The following COG5 variants were observed in gnomAD, a reference collection of about 807,000 sequenced individuals.
COG5 encodes the protein component of oligomeric golgi complex 5, also known as conserved oligomeric Golgi complex subunit 5.
Under a neutral mutation model 110.4 loss-of-function variants are expected in COG5, and 86 were observed. The ratio of observed to expected loss-of-function variants is 0.78; its 90% CI spans 0.65 to 0.93. The LOEUF is 0.93. COG5 is among the 40% of genes least tolerant of loss of function. The pLI is 0.00. For synonymous variants in COG5, 360 were observed against 334.6 expected, an observed-to-expected ratio of 1.08 and a Z score of -0.83; for missense variants, 1,077 against 987.0, an observed-to-expected ratio of 1.09 and a Z score of -1.22.
Position 107,201,496 on chromosome 7 carries a change from A to G in COG5, c.*2020T>C. The G allele has an allele frequency of 9.9e-7, 1 of 1,013,614 alleles. No individual in the cohort carries two copies. Among genetic ancestry groups the G allele is most frequent in the Non-Finnish European group, 1.6e-6 (1 of 644,468 alleles). The allele number at this position is 1,013,614 out of a possible 1,614,324, so 62.8% of individuals were successfully genotyped here. ...CATTGACTCTTGATGGAAAGACTTA[A>G]GAAGATCAAGGTCTCACCATTTGTC... On this transcript the variant is annotated 3_prime_UTR_variant, in exon 22 of 22. Coordinates refer to ENST00000297135, the MANE Select transcript of COG5 (RefSeq NM_006348.5).
In COG5 at chr7:107,394,202, A is replaced by T. The variant is rs536278513; in HGVS notation, c.669+18300T>A. On this transcript the variant is annotated intron_variant, in intron 7 of 21. Coordinates refer to ENST00000297135, the MANE Select transcript of COG5 (RefSeq NM_006348.5). ...ATGGTGTCGATCTCCTGACCTTGTG[A>T]TCCGCCTGCCTCGGCCTCCCAAAAT... 5.3e-5 allele frequency among the ~76,000 whole-genome samples: 8 copies of T among 151,656 alleles called. No individual in the cohort carries two copies. In the East Asian group the frequency reaches 1.6e-3, roughly 30 times the overall value.
At chr7:107,396,428 T>C (rs1197291656) in intron 7 of COG5, among the ~76,000 whole-genome samples, 1 of 150,928 alleles carries the variant, frequency 6.6e-6, no homozygotes, top group Admixed American at 6.6e-5. Flanking sequence ...GGAAATTTAA[T>C]AGTACAATAT....
intron 6 of COG5, among the ~76,000 whole-genome samples, chr7:107,516,628 G>A (rs1200231276): frequency 6.6e-6 from 1 of 152,172 alleles, no homozygotes. Flanking sequence ...CTGGCATCAG[G>A]CCAGTGACCC....
chr7:107,522,938 C>A (rs1800441534), intron 6 of COG5, among the ~76,000 whole-genome samples: 1 of 152,156 alleles, frequency 6.6e-6, no homozygotes, highest in Non-Finnish European at 1.5e-5. Context: ...GTCTTCAAAT[C>A]AGGTAGGGTT....
chr7:107,523,665 A>C lies in COG5; in HGVS notation c.538+3572T>G, dbSNP rs183823004. Among the ~76,000 whole-genome samples the C allele has an allele frequency of 5.5e-3, 842 of 152,274 alleles. 8 individuals are homozygous for C. The highest frequency in any genetic ancestry group is 0.02 in the African/African-American group (811 of 41,570). On this transcript the variant is annotated intron_variant, in intron 6 of 21. Transcript: ENST00000297135. ...CCCCGTCTCTACTAAATATACAAAA[A>C]TTAGCCGGGCATGGTGGTGGGCGCC...
At chr7:107,405,203 T>C (rs556745768) in intron 7 of COG5, among the ~76,000 whole-genome samples, 1 of 152,284 alleles carries the variant, frequency 6.6e-6, no homozygotes, top group Non-Finnish European at 1.5e-5. Flanking sequence ...TCCTTAACCA[T>C]ACAGAAAATG....
chr7:107,529,715 G>C (rs749297484), intron 5 of COG5, among the ~76,000 whole-genome samples: 12 of 152,156 alleles, frequency 7.9e-5, no homozygotes, highest in Admixed American at 5.2e-4. Context: ...TCTTCCAAGC[G>C]TACTTTCCTT....
At chr7:107,436,825 C>T (rs1237487921) in intron 6 of COG5, among the ~76,000 whole-genome samples, 1 of 152,144 alleles carries the variant, frequency 6.6e-6, no homozygotes, top group East Asian at 1.9e-4. Flanking sequence ...CAAATGTCAT[C>T]AAGACGCAGT....
At chr7:107,387,347 C>T (rs1790284948) in intron 7 of COG5, among the ~76,000 whole-genome samples, 2 of 152,134 alleles carry the variant, frequency 1.3e-5, no homozygotes, top group Non-Finnish European at 2.9e-5. Flanking sequence ...CGGGAAGGTC[C>T]ACCCAGCCAG....
chr7:107,239,719 G>A (rs544390620), intron 17 of COG5, among the ~76,000 whole-genome samples: 4 of 151,970 alleles, frequency 2.6e-5, no homozygotes, highest in Non-Finnish European at 5.9e-5. Context: ...AGATATTTTT[G>A]ATTTCTCCTT....
intron 14 of COG5, among the ~76,000 whole-genome samples, chr7:107,269,521 G>A (rs1181388035): frequency 3.3e-5 from 5 of 151,166 alleles, no homozygotes; most frequent in Admixed American, 1.3e-4. Flanking sequence ...ATATATCTAT[G>A]GCTTTACAAT....
In COG5 at chr7:107,283,596, C is replaced by G. The variant is rs1231046686; in HGVS notation, c.1450G>C (p.Asp484His). 5.6e-6 allele frequency: 9 copies of G among 1,613,834 alleles called. No individual in the cohort carries two copies. Among genetic ancestry groups the G allele is most frequent in the Non-Finnish European group, 5.9e-6 (7 of 1,179,938 alleles). ...CTTGCTATAGTTTTAATAATACCAT[C>G]AAGTTCATCAGAGGAAGGAGGATTA... ...GRNPPSSDEL[D>H]GIIKTIASEL... Residue 484 changes from aspartate to histidine, a missense_variant, in exon 13 of 22, where the codon GAT (aspartate) becomes CAT (histidine). By Grantham distance (81) the Asp-to-His change is moderately conservative. Coordinates refer to ENST00000297135, the MANE Select transcript of COG5 (RefSeq NM_006348.5).
At position 107,203,288 on chromosome 7, in the gene COG5, A is replaced by G; in HGVS notation, c.*228T>C. 1.8e-6 allele frequency: 1 copy of G among 556,552 alleles called. No individual in the cohort carries two copies. Among genetic ancestry groups the G allele is most frequent in the Non-Finnish European group, 3.2e-6 (1 of 311,640 alleles). The allele number at this position is 556,552 out of a possible 1,614,324, so 34.5% of individuals were successfully genotyped here. On this transcript the variant is annotated 3_prime_UTR_variant, in exon 22 of 22. Transcript: ENST00000297135. ...TTGTACAAAAATCTGAAAGAGGAAAACATCTTTCTGGAAAAATCAGGTCCA... is the reference window on the plus strand; with the variant it reads ...TTGTACAAAAATCTGAAAGAGGAAAGCATCTTTCTGGAAAAATCAGGTCCA...
chr7:107,261,306 C>A (rs1057037386), intron 14 of COG5, among the ~76,000 whole-genome samples: 2 of 151,548 alleles, frequency 1.3e-5, no homozygotes, highest in Admixed American at 6.6e-5. Flanking sequence ...TTTGCTTTAT[C>A]ATTTGTATTC....
chr7:107,503,252 G>T (rs1798750208), intron 6 of COG5, among the ~76,000 whole-genome samples: 1 of 151,948 alleles, frequency 6.6e-6, no homozygotes, highest in African/African-American at 2.4e-5. Context: ...TATTTAATAG[G>T]GTGTTCTTTC....
At chr7:107,235,990 C>T (rs578116589) in intron 18 of COG5, among the ~76,000 whole-genome samples, 1 of 152,250 alleles carries the variant, frequency 6.6e-6, no homozygotes, top group Middle Eastern at 3.4e-3. Flanking sequence ...AATAATCAGA[C>T]TCTATGTCTA....
At position 107,521,425 on chromosome 7, in the gene COG5, A is replaced by G. The variant is rs1584928055; in HGVS notation, c.538+5812T>C. On this transcript the variant is annotated intron_variant, in intron 6 of 21. Coordinates refer to ENST00000297135, the MANE Select transcript of COG5 (RefSeq NM_006348.5). ...CAAATGTCTAATATCCAGCATCTAC[A>G]AGGAACTTACACAAATTTACAAGGA... is the stretch of plus-strand genomic sequence containing the variant. Among the ~76,000 whole-genome samples, 7 of 152,352 alleles carry G rather than the reference A, an allele frequency of 4.6e-5. 1 individual carries two copies. Among genetic ancestry groups the G allele is most frequent in the Admixed American group, 4.6e-4 (7 of 15,294 alleles).
intron 6 of COG5, among the ~76,000 whole-genome samples, chr7:107,477,842 G>A (rs541758185): frequency 2.0e-5 from 3 of 151,890 alleles, no homozygotes; most frequent in African/African-American, 4.8e-5. Flanking sequence ...ATGAAAAGAC[G>A]AAATATTTCT....
At chr7:107,276,927 A>C (rs186375157) in intron 14 of COG5, among the ~76,000 whole-genome samples, 106 of 152,362 alleles carry the variant, frequency 7.0e-4, no homozygotes, top group African/African-American at 2.5e-3. Context: ...GTTTTACAAA[A>C]GAGCATCTAG....
Sources: allele counts gnomAD v4.1 joint callset (sites outside exome capture counted in the v4.1 genomes callset), GRCh38; gene constraint gnomAD v4.1.1; transcripts MANE v1.5; gene names NCBI Gene and HGNC (gene_info 2026-07-23, HGNC 2026-07-21).